DIP2C: variants seen among roughly 807,000 people sequenced by gnomAD.
The protein encoded by DIP2C is disco-interacting protein 2 homolog C.
In DIP2C, 33 loss-of-function variants were observed where a neutral mutation model predicts 192.4. The observed-to-expected ratio is 0.17, with a 90% CI of 0.13 to 0.23. The LOEUF (loss-of-function observed/expected upper bound fraction) is 0.23. Among genes scored for constraint, DIP2C ranks in the 10% least tolerant of loss-of-function variants. The probability of loss-of-function intolerance (pLI) is 1.00; values close to 1 mark genes in which losing one functional copy is unlikely to be tolerated. For missense variants in DIP2C, 1,537 were observed against 2,110.1 expected, an observed-to-expected ratio of 0.73 and a Z score of 5.32; for synonymous variants, 979 against 864.1, an observed-to-expected ratio of 1.13 and a Z score of -2.33.
intron 1 of DIP2C, among the ~76,000 whole-genome samples, chr10:559,346 G>C (rs1477506747): frequency 3.3e-5 from 5 of 151,716 alleles, no homozygotes; most frequent in Non-Finnish European, 4.4e-5. Context: ...GGAACGCCGG[G>C]GGAAGCCCCA....
At chr10:382,944 CAAGAATTTA>C (rs1003866845) in intron 16 of DIP2C, among the ~76,000 whole-genome samples, 183 bp from the exon 17 acceptor site, 4 of 152,184 alleles carry the variant, frequency 2.6e-5, no homozygotes, top group African/African-American at 9.7e-5. Context: ...AAACAGAACT[CAAGAATTTA>C]AAGAATGCAA....
At chr10:625,985 C>T (rs897085945) in intron 1 of DIP2C, among the ~76,000 whole-genome samples, 8 of 152,136 alleles carry the variant, frequency 5.3e-5, no homozygotes, top group Non-Finnish European at 1.2e-4. Context: ...AGAACTGCAC[C>T]TGATGAAATA....
At chr10:467,317 T>C (rs912804187) in intron 3 of DIP2C, among the ~76,000 whole-genome samples, 5 of 136,624 alleles carry the variant, frequency 3.7e-5, no homozygotes, top group African/African-American at 8.4e-5. Context: ...CACTCATAGG[T>C]GGGAATTGAA....
At chr10:384,907 G>C (rs1962746010) in intron 14 of DIP2C, among the ~76,000 whole-genome samples, 2 of 152,110 alleles carry the variant, frequency 1.3e-5, no homozygotes, top group African/African-American at 4.8e-5. Flanking sequence ...AGGAGAAGCA[G>C]CTCTCAGGGA....
intron 3 of DIP2C, among the ~76,000 whole-genome samples, chr10:441,514 G>T (rs997533260): frequency 6.6e-6 from 1 of 152,186 alleles, no homozygotes; most frequent in African/African-American, 2.4e-5. Context: ...AGGGACCCAG[G>T]AAGAGGTAAT....
At chr10:582,632 G>T (rs1404513591) in intron 1 of DIP2C, among the ~76,000 whole-genome samples, 1 of 152,160 alleles carries the variant, frequency 6.6e-6, no homozygotes, top group African/African-American at 2.4e-5. Context: ...GCGTTTAGGT[G>T]GAGGAAACAC....
intron 1 of DIP2C, among the ~76,000 whole-genome samples, chr10:609,475 A>G (rs1852915391): frequency 6.6e-6 from 1 of 152,240 alleles, no homozygotes; most frequent in African/African-American, 2.4e-5. Context: ...AATCAGCATC[A>G]GTCTCTCCTT....
At position 490,347 on chromosome 10, in the gene DIP2C, C is replaced by T. The variant is rs560070857; in HGVS notation, c.86-3817G>A. The stretch of plus-strand genomic sequence containing the variant: ...ACGTAAACTAAAGGCGCAAATGCTC[C>T]GAAAGAGGGCACATCCTTCCCCACG... On this transcript the variant is annotated intron_variant, in intron 1 of 36. Transcript: ENST00000280886. Among the ~76,000 whole-genome samples the T allele has an allele frequency of 1.4e-4, 22 of 152,364 alleles. No homozygotes were observed. The South Asian group carries it at 4.1e-3, about 29-fold the overall frequency.
chr10:491,093 C>CG (rs1564782887), intron 1 of DIP2C, among the ~76,000 whole-genome samples: 1 of 152,214 alleles, frequency 6.6e-6, no homozygotes, highest in African/African-American at 2.4e-5. Flanking sequence ...GGCTTCCTCT[C>CG]GGCCTCAGGC....
At chr10:516,261 T>A (rs376446750) in intron 1 of DIP2C, among the ~76,000 whole-genome samples, 6 of 109,332 alleles carry the variant, frequency 5.5e-5, no homozygotes, top group African/African-American at 1.9e-4. Flanking sequence ...AACCTGTTGT[T>A]GACCTGCTTT....
chr10:550,085 C>T (rs1439172977), intron 1 of DIP2C, among the ~76,000 whole-genome samples: 1 of 150,080 alleles, frequency 6.7e-6, no homozygotes, highest in African/African-American at 2.5e-5. Context: ...TCTCAGCTTG[C>T]TGCAATCTCT....
At position 338,377 on chromosome 10, in the gene DIP2C, G is replaced by A. The variant is rs150394035; in HGVS notation, c.3584+2822C>T. Among the ~76,000 whole-genome samples, 40 of 151,654 alleles carry A rather than the reference G, an allele frequency of 2.6e-4. 1 individual carries two copies. In the East Asian group the frequency reaches 7.2e-3, roughly 27 times the overall value. Reference sequence around the variant, plus strand: ...CTCACCAACTCGCCAACTCACCTGGGCAACCTCCACTCCTGCCAGCTCCAG... The same window carrying A: ...CTCACCAACTCGCCAACTCACCTGGACAACCTCCACTCCTGCCAGCTCCAG... On this transcript the variant is annotated intron_variant, in intron 29 of 36. Coordinates refer to ENST00000280886, the MANE Select transcript of DIP2C (RefSeq NM_014974.3).
At chr10:576,100 G>A (rs541980861) in intron 1 of DIP2C, among the ~76,000 whole-genome samples, 1 of 152,340 alleles carries the variant, frequency 6.6e-6, no homozygotes, top group South Asian at 2.1e-4. Flanking sequence ...ACACGCTCCT[G>A]TACGGGTTTG....
chr10:585,409 T>TACA (rs1047044518), intron 1 of DIP2C, among the ~76,000 whole-genome samples: 1 of 152,206 alleles, frequency 6.6e-6, no homozygotes, highest in African/African-American at 2.4e-5. Context: ...CACATAGTAT[T>TACA]ACATTCAGTA....
In DIP2C at chr10:355,895, G is replaced by C. The variant is rs543560758; in HGVS notation, c.2985+531C>G. Reference sequence around the variant, plus strand: ...AATTCAAGACCATCCTCGCCAACATGGTGAAACCCCATCTCTAAATACTAA... The same window carrying C: ...AATTCAAGACCATCCTCGCCAACATCGTGAAACCCCATCTCTAAATACTAA... On this transcript the variant is annotated intron_variant, in intron 24 of 36. Transcript: ENST00000280886. Among the ~76,000 whole-genome samples, 453 of 152,244 alleles carry C rather than the reference G, an allele frequency of 3.0e-3. 1 individual carries two copies. Among genetic ancestry groups the C allele is most frequent in the Non-Finnish European group, 5.2e-3 (352 of 68,014 alleles).
At chr10:564,211 T>C (rs1027099567) in intron 1 of DIP2C, among the ~76,000 whole-genome samples, 6 of 152,000 alleles carry the variant, frequency 3.9e-5, no homozygotes, top group African/African-American at 9.7e-5. Context: ...GGGGAGAACG[T>C]TCCCCCCACC....
chr10:650,048 C>T, intron 1 of DIP2C: 1 of 701,144 alleles, frequency 1.4e-6, no homozygotes, highest in Non-Finnish European at 2.6e-6. Context: ...TTTCCTCCTG[C>T]ATCTGGGAGC....
chr10:568,985 T>A (rs934019478), intron 1 of DIP2C, among the ~76,000 whole-genome samples: 1 of 152,086 alleles, frequency 6.6e-6, no homozygotes, highest in African/African-American at 2.4e-5. Flanking sequence ...AAAGTTTGTT[T>A]GAAGTAAATT....
At chr10:301,204 C>G (rs1358208204) in intron 32 of DIP2C, among the ~76,000 whole-genome samples, 1 of 152,172 alleles carries the variant, frequency 6.6e-6, no homozygotes, top group Non-Finnish European at 1.5e-5. Flanking sequence ...CTGAGGTGTT[C>G]AGCTGTCAGG....
Sources: gnomAD v4.1 joint callset for allele counts (sites outside exome capture counted in the v4.1 genomes callset) on GRCh38, gnomAD v4.1.1 for gene constraint, MANE v1.5 for transcripts, NCBI Gene and HGNC (gene_info 2026-07-23, HGNC 2026-07-21) for gene names.